The following TSC2 variants were observed in gnomAD, a reference collection of about 807,000 sequenced individuals.
TSC2 encodes the protein tuberin.
In TSC2, 29 loss-of-function variants were observed where a neutral mutation model predicts 202.2. The ratio of observed to expected loss-of-function variants is 0.14; its 90% CI spans 0.11 to 0.20. The LOEUF (loss-of-function observed/expected upper bound fraction) is 0.20, where lower values mean the gene tolerates loss of function less well. Among genes scored for constraint, TSC2 ranks in the 10% least tolerant of loss-of-function variants. TSC2 has a pLI of 1.00. For synonymous variants in TSC2, 1,349 were observed against 1,044.0 expected (o/e 1.29, Z -5.63); for missense variants, 2,429 against 2,420.0 (o/e 1.00, Z -0.08).
intron 24 of TSC2, 68 bp from the exon 25 acceptor site, chr16:2,076,423 G>A: frequency 6.2e-7 from 1 of 1,603,370 alleles, no homozygotes; most frequent in Non-Finnish European, 8.5e-7. Context: ...GGGGCACCCG[G>A]CAGGCCTGGT....
chr16:2,076,204 G>A (rs772277295), intron 24 of TSC2, 34 bp downstream of exon 24: 44 of 1,612,260 alleles, frequency 2.7e-5, no homozygotes, highest in East Asian at 4.5e-5. Flanking sequence ...TGTGTCTCTC[G>A]GTAGGCCAGG....
intron 34 of TSC2, 64 bp downstream of exon 34, chr16:2,084,779 T>G (rs1041362735): frequency 7.5e-6 from 12 of 1,598,404 alleles, no homozygotes; most frequent in African/African-American, 1.3e-5. Context: ...GTGCCTCACT[T>G]GCCCCAGGCC....
At chr16:2,075,525 CAAAAAAAAAAAAAA>C (rs933350142) in intron 22 of TSC2, among the ~76,000 whole-genome samples, 35 of 27,306 alleles carry the variant, frequency 1.3e-3, no homozygotes, top group African/African-American at 4.4e-3. Flanking sequence ...AGACTCATCT[CAAAAAAAAAAAAAA>C]AAAAAAAAAA....
In TSC2 at chr16:2,076,144, A is replaced by G. The variant is rs397515243; in HGVS notation, c.2716A>G (p.Lys906Glu). 6.2e-7 allele frequency: 1 copy of G among 1,613,422 alleles called. No homozygotes were observed. Residue 906 changes from lysine to glutamate, a missense_variant, in exon 24 of 42, where the codon AAG (lysine) becomes GAG (glutamate). Coordinates refer to ENST00000219476, the MANE Select transcript of TSC2 (RefSeq NM_000548.5). ...WFIRCRLPFRKDFVPFITKGL... is the reference protein window; with the variant it reads ...WFIRCRLPFREDFVPFITKGL... Reference sequence around the variant, plus strand: ...CATCAGGTGCCGCCTGCCCTTCCGGAAGGATTTTGTCCCTTTCATCACTAA... The same window carrying G: ...CATCAGGTGCCGCCTGCCCTTCCGGGAGGATTTTGTCCCTTTCATCACTAA...
intron 8 of TSC2, 75 bp from the exon 9 acceptor site, chr16:2,057,030 C>T (rs1027252759): frequency 2.2e-5 from 33 of 1,531,724 alleles, no homozygotes; most frequent in Admixed American, 7.8e-5. Context: ...AGCAGCCAGG[C>T]GGGGCCAGCA....
chr16:2,071,650 C>A (rs1567462991), intron 18 of TSC2, 34 bp downstream of exon 18: 1 of 1,611,706 alleles, frequency 6.2e-7, no homozygotes, highest in East Asian at 2.2e-5. Flanking sequence ...CCATGAGGCT[C>A]AGGGCGTCAG....
rs774371313 is a variant in TSC2, at chr16:2,083,830, A to G, written c.4005+14A>G. ...GCCTACAGCAGGGTGAGTGTGGCTC[A>G]GAGCCTGGACCCTGCTGACCTCGGG... On this transcript the variant is annotated intron_variant, in intron 33 of 41. Transcript: ENST00000219476. The G allele has an allele frequency of 3.7e-6, 6 of 1,608,874 alleles. No individual in the cohort carries two copies. Among genetic ancestry groups the G allele is most frequent in the Non-Finnish European group, 3.4e-6 (4 of 1,178,840 alleles).
At chr16:2,051,803 G>T (rs2085162795) in intron 3 of TSC2, among the ~76,000 whole-genome samples, 1 of 152,180 alleles carries the variant, frequency 6.6e-6, no homozygotes, top group Non-Finnish European at 1.5e-5. Flanking sequence ...AGTGGTTCAC[G>T]CCTGTAATCC....
At chr16:2,056,585 C>G (rs1402277536) in intron 7 of TSC2, 59 bp from the exon 8 acceptor site, 3 of 1,595,346 alleles carry the variant, frequency 1.9e-6, no homozygotes, top group Admixed American at 3.4e-5. Flanking sequence ...GCCTGGGTGT[C>G]CTCTCCTGTG....
chr16:2,078,636 C>T (rs913573166), intron 26 of TSC2: 36 of 343,870 alleles, frequency 1.0e-4, no homozygotes, highest in Middle Eastern at 2.0e-3. Context: ...CATGGGGATC[C>T]CAGACCTCTG....
At chr16:2,066,631 A>C (rs892380719) in intron 16 of TSC2, among the ~76,000 whole-genome samples, 5 of 146,412 alleles carry the variant, frequency 3.4e-5, no homozygotes, top group African/African-American at 1.0e-4. Context: ...CTCGAGCAGC[A>C]TGTAAGGGTT....
In TSC2 at chr16:2,072,885, G is replaced by T; in HGVS notation, c.2257G>T (p.Ala753Ser). The T allele has an allele frequency of 1.2e-6, 2 of 1,613,576 alleles. No homozygotes were observed. The highest frequency in any genetic ancestry group is 1.7e-6 in the Non-Finnish European group (2 of 1,180,042). The change falls in exon 21 of 42, where the codon GCC becomes TCC. Residue 753 changes from alanine (A) to serine (S), a missense_variant. Physicochemically the swap from Ala to Ser is moderately conservative, Grantham distance 99. Transcript: ENST00000219476. ...AAAGACACTGGAGCGGCTCCGAGGC[G>T]CCCCAGAAGGCTTCTCCAGAACTGA... ...GPKTLERLRG[A>S]PEGFSRTDLH... is the part of the protein sequence containing the mutation.
intron 1 of TSC2, 58 bp downstream of exon 1, chr16:2,048,123 G>A (rs919261302): frequency 1.8e-5 from 27 of 1,499,338 alleles, no homozygotes; most frequent in Middle Eastern, 4.0e-4. Flanking sequence ...GGCCTAGAGA[G>A]GCGGACCCCG....
At position 2,069,169 on chromosome 16, in the gene TSC2, C is replaced by T. The variant is rs549416470; in HGVS notation, c.1717-1287C>T. On this transcript the variant is annotated intron_variant, in intron 16 of 41. Transcript: ENST00000219476. ...TGCCTGCCTAGTGGGCCCGGCAGGG[C>T]GGCAGCTGCTGTTGGTTCCATGTGG... is the stretch of plus-strand genomic sequence containing the variant. 1.9e-3 allele frequency among the ~76,000 whole-genome samples: 292 copies of T among 152,264 alleles called. 2 individuals are homozygous for T. The highest frequency in any genetic ancestry group is 6.2e-3 in the Admixed American group (95 of 15,300).
chr16:2,085,080 T>A (rs2090597984), intron 35 of TSC2, 54 bp downstream of exon 35: 1 of 1,609,132 alleles, frequency 6.2e-7, no homozygotes, highest in African/African-American at 1.3e-5. Flanking sequence ...CTCGGGTGAA[T>A]GGTGGGGGGC....
rs2084958377 is a variant in TSC2, at chr16:2,050,415, T to A, written c.154T>A (p.Cys52Ser). ...AEILRELSME[C>S]GLNNRIRMIG... ...CTCTCTCCAGGAACTGAGCATGGAA[T>A]GTGGCCTCAACAATCGCATCCGGAT... is the stretch of plus-strand genomic sequence containing the variant. The change falls in exon 3 of 42, where the codon TGT (cysteine) becomes AGT (serine). Residue 52 changes from cysteine to serine, a missense_variant. Transcript: ENST00000219476. 2 of 1,613,914 alleles carry A rather than the reference T, an allele frequency of 1.2e-6. No homozygotes were observed. Among genetic ancestry groups the A allele is most frequent in the Non-Finnish European group, 1.7e-6 (2 of 1,179,930 alleles).
chr16:2,085,195 C>G (rs563021361), intron 35 of TSC2, 35 bp from the exon 36 acceptor site: 2 of 1,612,030 alleles, frequency 1.2e-6, no homozygotes, highest in Non-Finnish European at 1.7e-6. Flanking sequence ...TGTGGACGGG[C>G]GTCTGGGGCT....
In TSC2 at chr16:2,088,209, C is replaced by G. The variant is rs747362965; in HGVS notation, c.5161-18C>G. The stretch of plus-strand genomic sequence containing the variant: ...GGTGCCACCTGATAGTGAGCTCACC[C>G]CCTGCCTACGTCCCCAGATGGCCTC... On this transcript the variant is annotated intron_variant, in intron 40 of 41. Coordinates refer to ENST00000219476, the MANE Select transcript of TSC2 (RefSeq NM_000548.5). 1 of 1,613,114 alleles carries G rather than the reference C, an allele frequency of 6.2e-7. No individual in the cohort carries two copies. The highest frequency in any genetic ancestry group is 2.2e-5 in the East Asian group (1 of 44,890).
chr16:2,049,410 T>G (rs2150983145), intron 2 of TSC2, among the ~76,000 whole-genome samples: 1 of 152,218 alleles, frequency 6.6e-6, no homozygotes, highest in Non-Finnish European at 1.5e-5. Flanking sequence ...TTATGTGTGT[T>G]TGTGTCTTTG....
Sources: allele counts gnomAD v4.1 joint callset (sites outside exome capture counted in the v4.1 genomes callset), GRCh38; gene constraint gnomAD v4.1.1; transcripts MANE v1.5; gene names NCBI Gene and HGNC (gene_info 2026-07-23, HGNC 2026-07-21).